Variants in NEK1 observed in about 807,000 individuals in gnomAD.
The protein encoded by NEK1 is serine/threonine-protein kinase Nek1.
In NEK1, 137 loss-of-function variants were observed where a neutral mutation model predicts 182.1. The ratio of observed to expected loss-of-function variants is 0.75; its 90% CI spans 0.65 to 0.87. NEK1 has a LOEUF of 0.87. Among genes scored for constraint, NEK1 ranks in the 40% least tolerant of loss-of-function variants. The pLI is 0.00. For synonymous variants in NEK1, 513 were observed against 492.2 expected, an observed-to-expected ratio of 1.04 and a Z score of -0.56; for missense variants, 1,391 against 1,494.4, an observed-to-expected ratio of 0.93 and a Z score of 1.14.
intron 28 of NEK1, among the ~76,000 whole-genome samples, chr4:169,436,909 A>G (rs1738515957): frequency 6.6e-6 from 1 of 152,248 alleles, no homozygotes; most frequent in Non-Finnish European, 1.5e-5. Context: ...TCTCAGAAAC[A>G]TGAGTGGCTT....
chr4:169,415,967 G>A (rs1318694360), intron 31 of NEK1, among the ~76,000 whole-genome samples: 1 of 152,160 alleles, frequency 6.6e-6, no homozygotes, highest in East Asian at 1.9e-4. Context: ...AAGAGGACAA[G>A]GGAGGACTTG....
rs199984882 is a variant in NEK1, at chr4:169,508,371, C to G, written c.1750-40G>C. ...AAACCCCAACATAATAATGTAAAAG[C>G]AAAGCTATTGACATTTTTACTGCTA... On this transcript the variant is annotated intron_variant, in intron 20 of 35. Coordinates refer to ENST00000507142, the MANE Select transcript of NEK1 (RefSeq NM_001199397.3). 123 of 1,465,662 alleles carry G rather than the reference C, an allele frequency of 8.4e-5. No homozygotes were observed. In the African/African-American group the frequency reaches 1.4e-3, roughly 17 times the overall value. 90.8% of individuals were successfully genotyped at this position (1,465,662 alleles called of 1,614,324 possible).
intron 31 of NEK1, among the ~76,000 whole-genome samples, chr4:169,407,232 A>G (rs1409159253): frequency 6.6e-6 from 1 of 152,162 alleles, no homozygotes; most frequent in Non-Finnish European, 1.5e-5. Flanking sequence ...CCTATGGTCA[A>G]CTTGCCCCAC....
At chr4:169,417,403 T>C (rs1734729719) in intron 31 of NEK1, among the ~76,000 whole-genome samples, 2 of 152,156 alleles carry the variant, frequency 1.3e-5, no homozygotes, top group African/African-American at 2.4e-5. Context: ...TTTATAATAC[T>C]AAAAAAGACT....
At chr4:169,598,710 A>T (rs1769971294) in intron 5 of NEK1, among the ~76,000 whole-genome samples, 1 of 152,216 alleles carries the variant, frequency 6.6e-6, no homozygotes, top group African/African-American at 2.4e-5. Flanking sequence ...GAGAGATTAG[A>T]TTTAATGCAG....
chr4:169,560,972 G>A (rs1580771215), intron 16 of NEK1, among the ~76,000 whole-genome samples: 1 of 151,928 alleles, frequency 6.6e-6, no homozygotes. Context: ...TTAAGTAAAA[G>A]GAAACACAAG....
chr4:169,528,915 G>A (rs1406119921), intron 19 of NEK1, among the ~76,000 whole-genome samples: 3 of 152,006 alleles, frequency 2.0e-5, no homozygotes, highest in African/African-American at 7.3e-5. Flanking sequence ...GAAATCCTAC[G>A]AAGTATGTCC....
chr4:169,452,108 A>G (rs1255426148), intron 27 of NEK1, among the ~76,000 whole-genome samples: 1 of 152,222 alleles, frequency 6.6e-6, no homozygotes, highest in Non-Finnish European at 1.5e-5. Context: ...CTCTCCCAAG[A>G]CTAAACCAGG....
At chr4:169,410,508 A>G (rs1733488552) in intron 31 of NEK1, among the ~76,000 whole-genome samples, 1 of 152,210 alleles carries the variant, frequency 6.6e-6, no homozygotes, top group Non-Finnish European at 1.5e-5. Flanking sequence ...CAAATGTCTT[A>G]TGATGGACAC....
At chr4:169,568,766 C>T (rs1171931471) in intron 12 of NEK1, among the ~76,000 whole-genome samples, 1 of 151,954 alleles carries the variant, frequency 6.6e-6, no homozygotes, top group African/African-American at 2.4e-5. Context: ...GAAACCCCAT[C>T]TCTACTAAAA....
At chr4:169,406,858 T>C in intron 31 of NEK1, 111 bp from the exon 32 acceptor site, 1 of 716,346 alleles carries the variant, frequency 1.4e-6, no homozygotes, top group Non-Finnish European at 2.1e-6. Flanking sequence ...AAATGTAACA[T>C]ATAAAAAGTT....
intron 29 of NEK1, among the ~76,000 whole-genome samples, chr4:169,432,133 T>C (rs1737564473): frequency 6.6e-6 from 1 of 151,928 alleles, no homozygotes; most frequent in Non-Finnish European, 1.5e-5. Context: ...GAAACTTACA[T>C]TTGAAAAGAT....
intron 23 of NEK1, among the ~76,000 whole-genome samples, chr4:169,490,268 C>T (rs1749814640): frequency 6.6e-6 from 1 of 152,164 alleles, no homozygotes; most frequent in African/African-American, 2.4e-5. Flanking sequence ...TGAGCCACTG[C>T]ACCACCACCC....
intron 23 of NEK1, among the ~76,000 whole-genome samples, chr4:169,503,444 G>C (rs1752738016): frequency 6.6e-6 from 1 of 152,064 alleles, no homozygotes; most frequent in Non-Finnish European, 1.5e-5. Context: ...AACAAAACTG[G>C]AGGAATCACA....
Position 169,396,898 on chromosome 4 carries a change from T to C in NEK1, c.3848-2375A>G, listed in dbSNP as rs535759725. 1.6e-4 allele frequency among the ~76,000 whole-genome samples: 24 copies of C among 152,234 alleles called. 1 individual carries two copies. The South Asian group carries it at 2.1e-3, about 13-fold the overall frequency. On this transcript the variant is annotated intron_variant, in intron 35 of 35. Transcript: ENST00000507142. ...TAGATGACATGGCTTTACCATCTCC[T>C]AGATGTGGCCTAAAAGATAGCTGTC...
intron 24 of NEK1, among the ~76,000 whole-genome samples, chr4:169,478,541 T>C (rs1395874055): frequency 6.6e-6 from 1 of 152,126 alleles, no homozygotes; most frequent in Admixed American, 6.6e-5. Flanking sequence ...GTTTCTTACA[T>C]GAAGTTCTTG....
chr4:169,400,713 A>G, intron 33 of NEK1, 62 bp from the exon 34 acceptor site: 1 of 1,215,488 alleles, frequency 8.2e-7, no homozygotes. Context: ...ATACCCTAAT[A>G]GACTAAAATT....
chr4:169,609,821 TAAG>T (rs1581139126), intron 2 of NEK1, among the ~76,000 whole-genome samples: 1 of 152,188 alleles, frequency 6.6e-6, no homozygotes, highest in Non-Finnish European at 1.5e-5. Context: ...ATAGAAATAG[TAAG>T]AATACTGGCT....
chr4:169,463,413 A>T lies in NEK1; in HGVS notation c.2435-18T>A, dbSNP rs1433434513. ...TGTATGTCCTATAAGAAAAATATAC[A>T]AAGAAACAATTTTCAATAACAGTAT... On this transcript the variant is annotated intron_variant, in intron 26 of 35. Coordinates refer to ENST00000507142, the MANE Select transcript of NEK1 (RefSeq NM_001199397.3). 2 of 1,572,260 alleles carry T rather than the reference A, an allele frequency of 1.3e-6. No individual in the cohort carries two copies. Among genetic ancestry groups the T allele is most frequent in the African/African-American group, 2.7e-5 (2 of 73,560 alleles).
Sources: allele counts gnomAD v4.1 joint callset (sites outside exome capture counted in the v4.1 genomes callset), GRCh38; gene constraint gnomAD v4.1.1; transcripts MANE v1.5; gene names NCBI Gene and HGNC (gene_info 2026-07-23, HGNC 2026-07-21).